The following HDAC9 variants were observed in gnomAD, a reference collection of about 807,000 sequenced individuals.
HDAC9 encodes the protein MEF-2 interacting transcription repressor (MITR) protein.
A neutral mutation model predicts 139.4 loss-of-function variants in HDAC9; 41 were observed. The ratio of observed to expected loss-of-function variants is 0.29; its 90% CI spans 0.23 to 0.38. The LOEUF (loss-of-function observed/expected upper bound fraction) is 0.38, where lower values mean the gene tolerates loss of function less well. Among genes scored for constraint, HDAC9 ranks in the 10% least tolerant of loss-of-function variants. The pLI, the probability that HDAC9 is intolerant of heterozygous loss-of-function variation, is 1.00. For missense variants in HDAC9, 1,147 were observed against 1,297.0 expected, an observed-to-expected ratio of 0.88 and a Z score of 1.78; for synonymous variants, 517 against 476.2, an observed-to-expected ratio of 1.09 and a Z score of -1.12.
intron 25 of HDAC9, among the ~76,000 whole-genome samples, chr7:18,982,636 C>A (rs1398986972): frequency 6.6e-6 from 1 of 152,096 alleles, no homozygotes; most frequent in South Asian, 2.1e-4. Flanking sequence ...ACTTCCCAGT[C>A]GGTGCCACTC....
At chr7:18,392,438 T>C (rs868798491) in intron 1 of HDAC9, among the ~76,000 whole-genome samples, 16 of 146,108 alleles carry the variant, frequency 1.1e-4, no homozygotes, top group African/African-American at 2.5e-4. Flanking sequence ...GATAGATAGA[T>C]AGACAGATAT....
chr7:18,373,133 T>C (rs1412691223), intron 1 of HDAC9, among the ~76,000 whole-genome samples: 1 of 152,198 alleles, frequency 6.6e-6, no homozygotes, highest in African/African-American at 2.4e-5. Flanking sequence ...TTCATATTTT[T>C]AAAAATATCA....
At chr7:18,919,718 A>G (rs1038558230) in intron 22 of HDAC9, among the ~76,000 whole-genome samples, 4 of 152,002 alleles carry the variant, frequency 2.6e-5, no homozygotes, top group Admixed American at 1.3e-4. Context: ...TGGAATAACA[A>G]TGTATACTAT....
At chr7:18,536,968 C>A (rs971497187) in intron 2 of HDAC9, among the ~76,000 whole-genome samples, 2 of 152,178 alleles carry the variant, frequency 1.3e-5, no homozygotes, top group Non-Finnish European at 2.9e-5. Context: ...CTCCCAGCTT[C>A]CCCTGGAAAT....
intron 2 of HDAC9, among the ~76,000 whole-genome samples, chr7:18,535,529 A>G (rs1253443239): frequency 6.6e-6 from 1 of 151,850 alleles, no homozygotes; most frequent in Non-Finnish European, 1.5e-5. Flanking sequence ...ATCTCTCTCA[A>G]TGATGATCTC....
At chr7:18,184,770 G>T (rs1281476108) in intron 2 of HDAC9, among the ~76,000 whole-genome samples, 1 of 152,132 alleles carries the variant, frequency 6.6e-6, no homozygotes, top group Non-Finnish European at 1.5e-5. Context: ...GTAGGGTATT[G>T]AATAAAAAGG....
At position 18,921,620 on chromosome 7, in the gene HDAC9, A is replaced by C. The variant is rs537876134; in HGVS notation, c.2804-14189A>C. Reference sequence around the variant, plus strand: ...TGTGGAGAAATAGGAACACTTTTACACTGTTGGTGGGACTGTTAACTAGTT... The same window carrying C: ...TGTGGAGAAATAGGAACACTTTTACCCTGTTGGTGGGACTGTTAACTAGTT... On this transcript the variant is annotated intron_variant, in intron 22 of 25. Coordinates refer to ENST00000686413, the MANE Select transcript of HDAC9 (RefSeq NM_178425.4). 2.6e-5 allele frequency among the ~76,000 whole-genome samples: 4 copies of C among 152,250 alleles called. No homozygotes were observed. The East Asian group carries it at 7.7e-4, about 29-fold the overall frequency.
In HDAC9 at chr7:18,999,946, T is replaced by G. The variant is rs1039228796; in HGVS notation, c.*3884T>G. The G allele has an allele frequency of 6.6e-6, 1 of 152,200 alleles. No individual in the cohort carries two copies. The highest frequency in any genetic ancestry group is 2.4e-5 in the African/African-American group (1 of 41,460). The allele number at this position is 152,200 out of a possible 1,614,324, so 9.4% of individuals were successfully genotyped here. A position where few individuals can be genotyped will look rare whatever the true frequency, so the allele number is the denominator to read the frequency against. On this transcript the variant is annotated 3_prime_UTR_variant, in exon 26 of 26. Coordinates refer to ENST00000686413, the MANE Select transcript of HDAC9 (RefSeq NM_178425.4). Reference sequence around the variant, plus strand: ...ACGACTCTGTCAGTGTTTGACATTGTCATTTCTAGTGGCATGTATCTTAAC... The same window carrying G: ...ACGACTCTGTCAGTGTTTGACATTGGCATTTCTAGTGGCATGTATCTTAAC...
chr7:18,440,540 C>T (rs1472978880), intron 1 of HDAC9, among the ~76,000 whole-genome samples: 2 of 152,090 alleles, frequency 1.3e-5, no homozygotes, highest in Non-Finnish European at 2.9e-5. Context: ...GTGATTCCCC[C>T]ATAAGTGAAT....
chr7:18,201,472 A>C (rs745679586), intron 2 of HDAC9, among the ~76,000 whole-genome samples: 1 of 152,194 alleles, frequency 6.6e-6, no homozygotes, highest in Non-Finnish European at 1.5e-5. Flanking sequence ...ACAGTCCCCT[A>C]CTGAGCTTAG....
rs191764583 is a variant in HDAC9, at chr7:18,181,175, G to T, written c.25+18826G>T. Among the ~76,000 whole-genome samples, 53 of 152,290 alleles carry T rather than the reference G, an allele frequency of 3.5e-4. No homozygotes were observed. The East Asian group carries it at 9.4e-3, about 27-fold the overall frequency. On this transcript the variant is annotated intron_variant, in intron 2 of 12. Transcript: ENST00000417496. The stretch of plus-strand genomic sequence containing the variant: ...GGATGTGGGTATCTTTTGGGAGGTT[G>T]TTATTCAGCTACTAAACGCCTGAAA...
intron 24 of HDAC9, among the ~76,000 whole-genome samples, chr7:18,975,185 T>C (rs575937751): frequency 6.6e-6 from 1 of 152,334 alleles, no homozygotes; most frequent in East Asian, 1.9e-4. Context: ...GAAACATCAG[T>C]ATGACATATG....
chr7:18,946,433 A>G (rs1782407193), intron 23 of HDAC9, among the ~76,000 whole-genome samples: 1 of 152,136 alleles, frequency 6.6e-6, no homozygotes, highest in Non-Finnish European at 1.5e-5. Context: ...CTGTAATATA[A>G]TTATAAGGAA....
chr7:18,594,748 CTAGA>C (rs1831993385), intron 6 of HDAC9, among the ~76,000 whole-genome samples: 1 of 151,928 alleles, frequency 6.6e-6, no homozygotes, highest in African/African-American at 2.4e-5. Context: ...AAATGTTTAA[CTAGA>C]TATACATATA....
At position 19,002,000 on chromosome 7, in the gene HDAC9, G is replaced by C. The variant is rs907023919; in HGVS notation, c.*5938G>C. On this transcript the variant is annotated 3_prime_UTR_variant, in exon 26 of 26. Coordinates refer to ENST00000686413, the MANE Select transcript of HDAC9 (RefSeq NM_178425.4). The stretch of plus-strand genomic sequence containing the variant: ...TCTTTTCTATTGTGGTCTGATATCC[G>C]TTTCTGTAATAAGATCAGTTTGTTG... The C allele has an allele frequency of 6.6e-6, 1 of 151,964 alleles. No homozygotes were observed. The highest frequency in any genetic ancestry group is 2.4e-5 in the African/African-American group (1 of 41,416). 9.4% of individuals were successfully genotyped at this position (151,964 alleles called of 1,614,324 possible). A position where few individuals can be genotyped will look rare whatever the true frequency, so the allele number is the denominator to read the frequency against.
chr7:18,224,939 G>T lies in HDAC9; in HGVS notation c.25+62590G>T, dbSNP rs1792954046. ...GGAGGATATAGAGGATGGATGAAAG[G>T]GGCAAGACAGTAGAAAAATGCAGCA... On this transcript the variant is annotated intron_variant, in intron 2 of 12. Coordinates refer to the HDAC9 transcript ENST00000417496. 2.0e-5 allele frequency among the ~76,000 whole-genome samples: 3 copies of T among 152,068 alleles called. No homozygotes were observed. The South Asian group carries it at 6.2e-4, about 32-fold the overall frequency.
chr7:18,913,440 C>A (rs1802912686), intron 22 of HDAC9, among the ~76,000 whole-genome samples: 1 of 152,092 alleles, frequency 6.6e-6, no homozygotes, highest in Non-Finnish European at 1.5e-5. Flanking sequence ...TACCTCCCTT[C>A]TAGACATTTA....
At chr7:18,342,967 G>T (rs1318776) in intron 1 of HDAC9, among the ~76,000 whole-genome samples, 60,124 of 151,448 alleles carry the variant, frequency 0.4, 12,798 homozygotes, top group Non-Finnish European at 0.47. Flanking sequence ...GGGAGAAATT[G>T]TATTAAGGAC....
intron 1 of HDAC9, among the ~76,000 whole-genome samples, chr7:18,145,466 C>T (rs1786244322): frequency 6.6e-6 from 1 of 152,082 alleles, no homozygotes; most frequent in Non-Finnish European, 1.5e-5. Flanking sequence ...AAGTTAACAG[C>T]ATTTGGTAGT....
Sources: gnomAD v4.1 joint callset for allele counts (sites outside exome capture counted in the v4.1 genomes callset) on GRCh38, gnomAD v4.1.1 for gene constraint, MANE v1.5 for transcripts, NCBI Gene and HGNC (gene_info 2026-07-23, HGNC 2026-07-21) for gene names.